The following NAV2 variants were observed in gnomAD, a reference collection of about 807,000 sequenced individuals.
The protein encoded by NAV2 is neuron navigator 2, also known as helicase, APC down-regulated 1.
Under a neutral mutation model 223.2 loss-of-function variants are expected in NAV2, and 54 were observed. That is an observed-to-expected ratio of 0.24 (90% confidence interval 0.19 to 0.30). The LOEUF is 0.30. Ranked by LOEUF, NAV2 falls within the 10% of genes least tolerant of loss-of-function variation. The pLI is 1.00. For synonymous variants in NAV2, 1,279 were observed against 1,239.3 expected (o/e 1.03, Z -0.67); for missense variants, 2,806 against 3,147.5 (o/e 0.89, Z 2.60).
intron 1 of NAV2, among the ~76,000 whole-genome samples, chr11:19,628,454 T>C (rs1167906681): frequency 2.6e-5 from 4 of 152,188 alleles, no homozygotes; most frequent in African/African-American, 9.7e-5. Context: ...GTATATGTTC[T>C]CACACATTCA....
intron 11 of NAV2, among the ~76,000 whole-genome samples, chr11:20,005,253 A>ATATATATATTTTTT (rs1277010848): frequency 7.4e-6 from 1 of 134,552 alleles, no homozygotes; most frequent in Non-Finnish European, 1.6e-5. Flanking sequence ...ATATATATAT[A>ATATATATATTTTTT]TTTTTTTTTT....
At chr11:19,793,555 T>C (rs952734142) in intron 1 of NAV2, among the ~76,000 whole-genome samples, 2 of 152,196 alleles carry the variant, frequency 1.3e-5, no homozygotes, top group Admixed American at 1.3e-4. Flanking sequence ...TCACCTAGCC[T>C]GGGCCTCTTG....
At chr11:20,008,859 A>G (rs1715942017) in intron 11 of NAV2, among the ~76,000 whole-genome samples, 2 of 152,196 alleles carry the variant, frequency 1.3e-5, no homozygotes, top group African/African-American at 4.8e-5. Context: ...TAATGCTGGA[A>G]ACATTTTTTA....
chr11:19,421,908 A>C (rs1352381786), intron 1 of NAV2, among the ~76,000 whole-genome samples: 1 of 152,060 alleles, frequency 6.6e-6, no homozygotes. Context: ...CCAGCCTGGA[A>C]TCACATCCTG....
chr11:20,104,457 C>T (rs1032374083), intron 34 of NAV2: 9 of 152,460 alleles, frequency 5.9e-5, no homozygotes, highest in African/African-American at 2.2e-4. Context: ...TGAGGGAGAT[C>T]TATTGAAAGT....
intron 1 of NAV2, among the ~76,000 whole-genome samples, chr11:19,444,209 G>C (rs138151877): frequency 0.021 from 3,154 of 152,270 alleles, 97 homozygotes; most frequent in African/African-American, 0.072. Context: ...CCAAAGTGCT[G>C]GGATTACAGG....
intron 29 of NAV2, among the ~76,000 whole-genome samples, chr11:20,094,489 A>G (rs1036040855): frequency 2.0e-5 from 3 of 151,938 alleles, no homozygotes; most frequent in African/African-American, 7.3e-5. Context: ...CGGCCTCCCA[A>G]AGTGTTGGGA....
At chr11:19,350,007 T>C (rs943027349), upstream of NAV2, among the ~76,000 whole-genome samples, 1 of 152,032 alleles carries the variant, frequency 6.6e-6, no homozygotes, top group African/African-American at 2.4e-5. Flanking sequence ...GCAGCTGTAA[T>C]TGGGGGAAAA....
At chr11:20,109,783 A>C (rs945894854) in intron 36 of NAV2, among the ~76,000 whole-genome samples, 3 of 152,146 alleles carry the variant, frequency 2.0e-5, no homozygotes, top group African/African-American at 7.2e-5. Context: ...TAGGAAGGGG[A>C]GTGAACCTCA....
rs547408639 is a variant in NAV2, at chr11:20,024,074, G to A, written c.2769-11885G>A. On this transcript the variant is annotated intron_variant, in intron 11 of 37. Transcript: ENST00000349880. ...CTCTACCACCATGCCTTCCTGGGTG[G>A]GCTTGGCATCTGAGCTCGGAATGGT... 3.9e-4 allele frequency among the ~76,000 whole-genome samples: 59 copies of A among 152,244 alleles called. 1 individual carries two copies. Among genetic ancestry groups the A allele is most frequent in the African/African-American group, 1.3e-3 (54 of 41,542 alleles).
At position 20,048,758 on chromosome 11, in the gene NAV2, G is replaced by C; in HGVS notation, c.3933G>C (p.Val1311=). The C allele has an allele frequency of 6.2e-7, 1 of 1,614,068 alleles. No homozygotes were observed. Among genetic ancestry groups the C allele is most frequent in the South Asian group, 1.1e-5 (1 of 91,068 alleles). The change falls in exon 15 of 38, where the codon GTG becomes GTC. Residue 1311 remains valine, a synonymous_variant. Transcript: ENST00000349880. ...TTGGTGGGAAGCCTACCAAGCAAGT[G>C]CCCATCGCCACAGCTGAAAACATGA... The part of the protein sequence containing the change: ...RLFGGKPTKQ[V]PIATAENMKN...
chr11:19,935,856 T>TTTTTTTTTTTTTG (rs2045823434), intron 7 of NAV2, among the ~76,000 whole-genome samples: 1 of 98,124 alleles, frequency 1.0e-5, no homozygotes, highest in Non-Finnish European at 2.2e-5. Flanking sequence ...TTTCTGTTTT[T>TTTTTTTTTTTTTG]TTTTTTTTTT....
At chr11:19,382,875 A>G (rs548960616) in intron 1 of NAV2, among the ~76,000 whole-genome samples, 23 of 152,320 alleles carry the variant, frequency 1.5e-4, no homozygotes, top group Admixed American at 1.5e-3. Context: ...TCTGACTCCA[A>G]AGTTTGAGTG....
intron 1 of NAV2, among the ~76,000 whole-genome samples, chr11:19,786,398 C>T (rs1475653365): frequency 6.6e-6 from 1 of 152,184 alleles, no homozygotes; most frequent in Non-Finnish European, 1.5e-5. Flanking sequence ...CAACACAGCT[C>T]CTGGCATACA....
intron 8 of NAV2, among the ~76,000 whole-genome samples, chr11:19,943,704 T>C (rs111452598): frequency 1.3e-5 from 2 of 152,210 alleles, no homozygotes; most frequent in African/African-American, 2.4e-5. Context: ...TAAATTCTGC[T>C]TGTGCTATGT....
intron 11 of NAV2, among the ~76,000 whole-genome samples, chr11:20,007,855 A>G (rs2053217612): frequency 6.6e-6 from 1 of 152,230 alleles, no homozygotes; most frequent in Non-Finnish European, 1.5e-5. Context: ...ACTGCCTGCT[A>G]TCCCCGCACA....
chr11:20,004,882 C>T (rs989925964), intron 11 of NAV2, among the ~76,000 whole-genome samples: 7 of 152,050 alleles, frequency 4.6e-5, no homozygotes, highest in African/African-American at 1.7e-4. Flanking sequence ...AGCAAAGGCT[C>T]CAGAATAGGG....
chr11:19,571,791 G>A (rs918878577), intron 1 of NAV2, among the ~76,000 whole-genome samples: 1 of 152,140 alleles, frequency 6.6e-6, no homozygotes, highest in African/African-American at 2.4e-5. Flanking sequence ...GCTCAGAAAA[G>A]CAGTCAGTAA....
intron 1 of NAV2, among the ~76,000 whole-genome samples, chr11:19,404,149 T>C (rs1382637726): frequency 2.6e-5 from 4 of 152,140 alleles, no homozygotes; most frequent in African/African-American, 4.8e-5. Context: ...GGGAGCCCAA[T>C]TGCTCGGGGC....
Sources: gnomAD v4.1 joint callset for allele counts (sites outside exome capture counted in the v4.1 genomes callset) on GRCh38, gnomAD v4.1.1 for gene constraint, MANE v1.5 for transcripts, NCBI Gene and HGNC (gene_info 2026-07-23, HGNC 2026-07-21) for gene names.